The following STUB1 variants were observed in gnomAD, a reference collection of about 807,000 sequenced individuals.
STUB1 encodes the protein STIP1 homology and U-box containing protein 1.
A neutral mutation model predicts 40.3 loss-of-function variants in STUB1; 37 were observed. The observed-to-expected ratio is 0.92, with a 90% CI of 0.71 to 1.21. STUB1 has a LOEUF of 1.21. Ranked by LOEUF, STUB1 falls within the 50% of genes most tolerant of loss-of-function variation. The pLI, the probability that STUB1 is intolerant of heterozygous loss-of-function variation, is 0.00. For missense variants in STUB1, 460 were observed against 421.9 expected (o/e 1.09, Z -0.79); for synonymous variants, 246 against 171.9 (o/e 1.43, Z -3.37).
Position 682,062 on chromosome 16 carries a change from G to C in STUB1, c.655G>C (p.Asp219His). The change falls in exon 5 of 7, where the codon GAT becomes CAT. Residue 219 changes from aspartate (D) to histidine (H), a missense_variant. Asp to His is a moderately conservative substitution (Grantham distance 81). Coordinates refer to ENST00000219548, the MANE Select transcript of STUB1 (RefSeq NM_005861.4). Reference sequence around the variant, plus strand: ...CATGGACGAGCTTTTTTCTCAGGTGGATGAGAAGAGGAAGGTGAGTGTGTG... The same window carrying C: ...CATGGACGAGCTTTTTTCTCAGGTGCATGAGAAGAGGAAGGTGAGTGTGTG... ...ADMDELFSQV[D>H]EKRKKRDIPD... 1 of 1,584,004 alleles carries C rather than the reference G, an allele frequency of 6.3e-7. No homozygotes were observed. Among genetic ancestry groups the C allele is most frequent in the East Asian group, 2.3e-5 (1 of 44,296 alleles).
rs764534080 is a variant in STUB1 at position 681,803 on chromosome 16, G to A, written c.535G>A (p.Glu179Lys). The A allele has an allele frequency of 4.4e-6, 7 of 1,600,034 alleles. No individual in the cohort carries two copies. Among genetic ancestry groups the A allele is most frequent in the East Asian group, 4.5e-5 (2 of 44,562 alleles). The change falls in exon 4 of 7, where the codon GAG becomes AAG. Residue 179 changes from glutamate to lysine, a missense_variant. Transcript: ENST00000219548. ...IAAERERELE[E>K]CQRNHEGDED... ...CTGGTCAACCCCCAGGGAGCTGGAA[G>A]AGTGCCAGCGAAACCACGAGGGTGA...
At position 681,676 on chromosome 16, in the gene STUB1, C is replaced by T. The variant is rs1054942614; in HGVS notation, c.524+73C>T. 7.7e-6 allele frequency: 12 copies of T among 1,561,880 alleles called. No homozygotes were observed. In the Admixed American group the frequency reaches 1.3e-4, roughly 16 times the overall value. On this transcript the variant is annotated intron_variant, in intron 3 of 6. Transcript: ENST00000219548. ...ACCGACTCCCGACACAAGCGTTTAT[C>T]GAAGGCTTTACTGGCAAGCAGGAAA...
At position 681,522 on chromosome 16, in the gene STUB1, A is replaced by C; in HGVS notation, c.443A>C (p.Asn148Thr). 6.2e-7 allele frequency: 1 copy of C among 1,612,486 alleles called. No individual in the cohort carries two copies. Among genetic ancestry groups the C allele is most frequent in the Non-Finnish European group, 8.5e-7 (1 of 1,179,940 alleles). ...ALRIAKKKRW[N>T]SIEERRIHQE... ...CGAATCGCGAAGAAGAAGCGCTGGA[A>C]CAGCATTGAGGAGCGGCGCATCCAC... The change falls in exon 3 of 7, where the codon AAC becomes ACC. Residue 148 changes from asparagine (N) to threonine (T), a missense_variant. By Grantham distance (65) the Asn-to-Thr change is moderately conservative. Transcript: ENST00000219548.
In STUB1 at chr16:680,759, C is replaced by G. The variant is rs376571027; in HGVS notation, c.159+75C>G. On this transcript the variant is annotated intron_variant, in intron 1 of 6. Transcript: ENST00000219548. This position sits in a 1 kb window ranked among gnomAD's most constrained non-coding sequence, Gnocchi z 4.9. ...CGGGCCCGGGCCCGGCCGGCCCCAC[C>G]GAGGGTCTGGCTCCTCTTCGGGGCG... 1.1e-5 allele frequency: 12 copies of G among 1,138,498 alleles called. No individual in the cohort carries two copies. The highest frequency in any genetic ancestry group is 3.3e-5 in the African/African-American group (2 of 61,386). 70.5% of individuals were successfully genotyped at this position (1,138,498 alleles called of 1,614,324 possible).
Position 682,775 on chromosome 16 carries a change from G to A in STUB1, c.*286G>A. 1 of 1,612,396 alleles carries A rather than the reference G, an allele frequency of 6.2e-7. No homozygotes were observed. The highest frequency in any genetic ancestry group is 8.5e-7 in the Non-Finnish European group (1 of 1,179,408). On this transcript the variant is annotated 3_prime_UTR_variant, in exon 7 of 7. Transcript: ENST00000219548. ...GGGACGTGCTGGTGTGTGACCGGCA[G>A]TCCTGCCAGCTGTTTTGGCTAGCCG... is the stretch of plus-strand genomic sequence containing the variant.
intron 3 of STUB1, 85 bp from the exon 4 acceptor site, chr16:681,708 G>A (rs2039660354): frequency 1.3e-6 from 2 of 1,553,204 alleles, no homozygotes; most frequent in East Asian, 2.3e-5. Flanking sequence ...GAAATGTGGG[G>A]AAGTGTGGAT....
At position 681,291 on chromosome 16, in the gene STUB1, T is replaced by G; in HGVS notation, c.299T>G (p.Leu100Arg). 1 of 1,612,894 alleles carries G rather than the reference T, an allele frequency of 6.2e-7. No homozygotes were observed. The highest frequency in any genetic ancestry group is 8.5e-7 in the Non-Finnish European group (1 of 1,179,984). ...DGQSVKAHFF[L>R]GQCQLEMESY... The stretch of plus-strand genomic sequence containing the variant: ...CAGTCTGTGAAGGCGCACTTCTTCC[T>G]GGGGCAGTGCCAGCTGGAGATGGAG... Residue 100 changes from leucine (L) to arginine (R), a missense_variant, in exon 2 of 7, where the codon CTG becomes CGG. Leu to Arg is a moderately radical substitution (Grantham distance 102, BLOSUM62 -2). Transcript: ENST00000219548.
chr16:680,505 C>A lies in STUB1; in HGVS notation c.-21C>A, dbSNP rs1157417310. The A allele has an allele frequency of 3.3e-6, 4 of 1,227,400 alleles. No individual in the cohort carries two copies. Among genetic ancestry groups the A allele is most frequent in the African/African-American group, 1.6e-5 (1 of 63,088 alleles). 76.0% of individuals were successfully genotyped at this position (1,227,400 alleles called of 1,614,324 possible). ...AGGCGCGGAGCTTGGGAGCGGAGCC[C>A]AGGCCGTGCCGCGCGGCGCCATGAA... On this transcript the variant is annotated 5_prime_UTR_variant, in exon 1 of 7. Transcript: ENST00000219548. The surrounding 1 kb of genome is among the most constrained non-coding windows in gnomAD (Gnocchi z 4.9).
Position 681,621 on chromosome 16 carries a change from G to A in STUB1, c.524+18G>A, listed in dbSNP as rs1399686173. 2.5e-6 allele frequency: 4 copies of A among 1,597,528 alleles called. No individual in the cohort carries two copies. The highest frequency in any genetic ancestry group is 3.4e-6 in the Non-Finnish European group (4 of 1,170,212). On this transcript the variant is annotated intron_variant, in intron 3 of 6. Coordinates refer to ENST00000219548, the MANE Select transcript of STUB1 (RefSeq NM_005861.4). ...CGTGAGAGGTGGGACCCTCACCCCA[G>A]GCCGCCCTGTCTTGGGATAATTCTG...
chr16:680,844 C>A lies in STUB1; in HGVS notation c.159+160C>A. 1 of 607,952 alleles carries A rather than the reference C, an allele frequency of 1.6e-6. No individual in the cohort carries two copies. The highest frequency in any genetic ancestry group is 2.3e-6 in the Non-Finnish European group (1 of 442,048). The allele number at this position is 607,952 out of a possible 1,614,324, so 37.7% of individuals were successfully genotyped here. A position where few individuals can be genotyped will look rare whatever the true frequency, so the allele number is the denominator to read the frequency against. Reference sequence around the variant, plus strand: ...GAGCCCAGCGCCGGGTGCCGGAGAACGAGGGTGCGATGCTGGATGGAGGCC... The same window carrying A: ...GAGCCCAGCGCCGGGTGCCGGAGAAAGAGGGTGCGATGCTGGATGGAGGCC... On this transcript the variant is annotated intron_variant, in intron 1 of 6. Transcript: ENST00000219548. The surrounding 1 kb of genome is among the most constrained non-coding windows in gnomAD (Gnocchi z 4.9).
chr16:681,277 G>A lies in STUB1; in HGVS notation c.285G>A (p.Lys95=), dbSNP rs1404511007. ...RALELDGQSV[K]AHFFLGQCQL... is the part of the protein sequence containing the mutation. ...TGGAGCTGGACGGGCAGTCTGTGAA[G>A]GCGCACTTCTTCCTGGGGCAGTGCC... Residue 95 remains lysine, a synonymous_variant, in exon 2 of 7, where the codon AAG becomes AAA. Coordinates refer to ENST00000219548, the MANE Select transcript of STUB1 (RefSeq NM_005861.4). The A allele has an allele frequency of 6.2e-7, 1 of 1,612,884 alleles. No individual in the cohort carries two copies. The highest frequency in any genetic ancestry group is 8.5e-7 in the Non-Finnish European group (1 of 1,179,992).
Position 680,480 on chromosome 16 carries a change from A to T in STUB1, c.-46A>T. ...CTCCGGCTGCGGGCGCTGGGCCGCG[A>T]GGCGCGGAGCTTGGGAGCGGAGCCC... On this transcript the variant is annotated 5_prime_UTR_variant, in exon 1 of 7. Coordinates refer to ENST00000219548, the MANE Select transcript of STUB1 (RefSeq NM_005861.4). The surrounding 1 kb of genome is among the most constrained non-coding windows in gnomAD (Gnocchi z 4.9). 8.4e-7 allele frequency: 1 copy of T among 1,183,862 alleles called. No individual in the cohort carries two copies. The highest frequency in any genetic ancestry group is 1.0e-6 in the Non-Finnish European group (1 of 955,812). The allele number at this position is 1,183,862 out of a possible 1,614,324, so 73.3% of individuals were successfully genotyped here.
rs549680749 is a variant in STUB1, at chr16:682,693, G to A, written c.*204G>A. 1.4e-6 allele frequency: 2 copies of A among 1,456,478 alleles called. No individual in the cohort carries two copies. The highest frequency in any genetic ancestry group is 2.5e-5 in the South Asian group (2 of 79,174). The allele number at this position is 1,456,478 out of a possible 1,614,324, so 90.2% of individuals were successfully genotyped here. ...GGGCTGGAAAAGCAGGTGAGGGTGG[G>A]CTGGGCTGAGGCCATTGCCGCCACT... On this transcript the variant is annotated 3_prime_UTR_variant, in exon 7 of 7. Transcript: ENST00000219548.
chr16:682,564 T>C lies in STUB1; in HGVS notation c.*75T>C, dbSNP rs1016166497. On this transcript the variant is annotated 3_prime_UTR_variant, in exon 7 of 7. Coordinates refer to ENST00000219548, the MANE Select transcript of STUB1 (RefSeq NM_005861.4). ...GCCCCCGGCCCCTATACATAGTTTA[T>C]GTTCCTGGCCACCCCGACCGCTTCC... 1.9e-6 allele frequency: 3 copies of C among 1,590,984 alleles called. No homozygotes were observed. Among genetic ancestry groups the C allele is most frequent in the Non-Finnish European group, 2.6e-6 (3 of 1,165,966 alleles).
intron 2 of STUB1, 44 bp downstream of exon 2, chr16:681,394 C>G: frequency 6.2e-7 from 1 of 1,611,128 alleles, no homozygotes; most frequent in Non-Finnish European, 8.5e-7. Context: ...TGGGGCCAGG[C>G]GGGTGGACTG....
rs151164909 is a variant in STUB1 at position 682,218 on chromosome 16, G to A, written c.723G>A (p.Arg241=). Residue 241 remains arginine, a synonymous_variant, in exon 6 of 7, where the codon CGG becomes CGA. Transcript: ENST00000219548. ...GCAAGATCAGCTTTGAGCTGATGCGGGAGCCGTGCATCACGCCCAGTGGCA... is the reference window on the plus strand; with the variant it reads ...GCAAGATCAGCTTTGAGCTGATGCGAGAGCCGTGCATCACGCCCAGTGGCA... ...LCGKISFELM[R]EPCITPSGIT... is the part of the protein sequence containing the mutation. 1 of 1,612,898 alleles carries A rather than the reference G, an allele frequency of 6.2e-7. No individual in the cohort carries two copies. Among genetic ancestry groups the A allele is most frequent in the Non-Finnish European group, 8.5e-7 (1 of 1,179,860 alleles).
rs1211962871 is a variant in STUB1 at position 680,739 on chromosome 16, C to T, written c.159+55C>T. 2.6e-6 allele frequency: 3 copies of T among 1,173,870 alleles called. No individual in the cohort carries two copies. The highest frequency in any genetic ancestry group is 4.6e-5 in the Admixed American group (1 of 21,742). 72.7% of individuals were successfully genotyped at this position (1,173,870 alleles called of 1,614,324 possible). ...GCGGTGGCACCGGGGAGGGCCGGGC[C>T]CGGGCCCGGCCGGCCCCACCGAGGG... On this transcript the variant is annotated intron_variant, in intron 1 of 6. Transcript: ENST00000219548. This position sits in a 1 kb window ranked among gnomAD's most constrained non-coding sequence, Gnocchi z 4.9.
chr16:681,485 C>G lies in STUB1; in HGVS notation c.406C>G (p.Pro136Ala). 1 of 1,612,724 alleles carries G rather than the reference C, an allele frequency of 6.2e-7. No individual in the cohort carries two copies. Residue 136 changes from proline to alanine, a missense_variant, in exon 3 of 7, where the codon CCC becomes GCC. Coordinates refer to ENST00000219548, the MANE Select transcript of STUB1 (RefSeq NM_005861.4). ...GCGGCTGAACTTCGGGGACGACATC[C>G]CCAGCGCTCTTCGAATCGCGAAGAA... ...EQRLNFGDDIPSALRIAKKKR... is the reference protein window; with the variant it reads ...EQRLNFGDDIASALRIAKKKR...
In STUB1 at chr16:682,064, TGAG is replaced by T. The variant is rs765708884; in HGVS notation, c.658_660del (p.Glu220del). On this transcript the variant is annotated inframe_deletion, in exon 5 of 7. Coordinates refer to ENST00000219548, the MANE Select transcript of STUB1 (RefSeq NM_005861.4). ...TGGACGAGCTTTTTTCTCAGGTGGATGAGAAGAGGAAGGTGAGTGTGTGTCGCT... is the reference window on the plus strand; with the variant it reads ...TGGACGAGCTTTTTTCTCAGGTGGATAAGAGGAAGGTGAGTGTGTGTCGCT... 6.3e-7 allele frequency: 1 copy of T among 1,583,810 alleles called. No homozygotes were observed. The highest frequency in any genetic ancestry group is 2.3e-5 in the East Asian group (1 of 44,272).
Sources: allele counts gnomAD v4.1 joint callset, GRCh38; gene constraint gnomAD v4.1.1; non-coding constraint Gnocchi (gnomAD v3.1); transcripts MANE v1.5; gene names NCBI Gene and HGNC (gene_info 2026-07-23, HGNC 2026-07-21).